The following UBALD2 variants were observed in gnomAD, a reference collection of about 807,000 sequenced individuals.
The protein encoded by UBALD2 is UBA-like domain-containing protein 2.
UBALD2 carries 8 observed loss-of-function variants against 15.9 expected under a neutral mutation model. The observed-to-expected ratio is 0.50, with a 90% CI of 0.29 to 0.91. UBALD2 has a LOEUF of 0.91. Ranked by LOEUF, UBALD2 falls within the 40% of genes least tolerant of loss-of-function variation. The pLI is 0.07. For missense variants in UBALD2, 178 were observed against 234.8 expected (o/e 0.76, Z 1.58); for synonymous variants, 113 against 97.7 (o/e 1.16, Z -0.93).
At chr17:76,268,405 G>A (rs532207591) in intron 2 of UBALD2, among the ~76,000 whole-genome samples, 5 of 152,182 alleles carry the variant, frequency 3.3e-5, no homozygotes, top group East Asian at 1.9e-4. Context: ...TGGGGAAGTC[G>A]GTCACGATGC....
chr17:76,265,628 G>A lies in UBALD2; in HGVS notation c.120+3G>A, dbSNP rs746575564. The A allele has an allele frequency of 1.6e-6, 2 of 1,219,840 alleles. No individual in the cohort carries two copies. The highest frequency in any genetic ancestry group is 6.7e-5 in the Admixed American group (2 of 29,702). The allele number at this position is 1,219,840 out of a possible 1,614,324, so 75.6% of individuals were successfully genotyped here. ...AGGCGGCCCACTGGCAGTTCGAGGT[G>A]CGAGCCTGGCCGCCGCGGGGCCGGG... On this transcript the variant is annotated splice_donor_region_variant and intron_variant, in intron 1 of 2. Transcript: ENST00000327490.
In UBALD2 at chr17:76,265,488, C is replaced by CCCGCG. The variant is rs748912041; in HGVS notation, c.-5_-1dup. ...CTGCGTCCGGCCGGAGACGCCGGGC[C>CCCGCG]CCGCGCCGCGCCGCGCCATGTCGGT... is the stretch of plus-strand genomic sequence containing the variant. On this transcript the variant is annotated 5_prime_UTR_variant, in exon 1 of 3. Coordinates refer to ENST00000327490, the MANE Select transcript of UBALD2 (RefSeq NM_182565.4). 5.3e-5 allele frequency: 61 copies of CCCGCG among 1,158,184 alleles called. No individual in the cohort carries two copies. Among genetic ancestry groups the CCCGCG allele is most frequent in the Middle Eastern group, 3.8e-4 (1 of 2,656 alleles). The allele number at this position is 1,158,184 out of a possible 1,614,324, so 71.7% of individuals were successfully genotyped here.
intron 2 of UBALD2, among the ~76,000 whole-genome samples, chr17:76,267,651 G>GC (rs1468230286): frequency 6.6e-6 from 1 of 150,992 alleles, no homozygotes; most frequent in Admixed American, 6.6e-5. Flanking sequence ...ACTGCACCCA[G>GC]CTGGCAATTT....
Position 76,265,656 on chromosome 17 carries a change from G to C in UBALD2, c.120+31G>C, listed in dbSNP as rs1166381149. 7.0e-6 allele frequency: 8 copies of C among 1,142,798 alleles called. 1 individual carries two copies. In the African/African-American group the frequency reaches 1.2e-4, roughly 17 times the overall value. The allele number at this position is 1,142,798 out of a possible 1,614,324, so 70.8% of individuals were successfully genotyped here. On this transcript the variant is annotated intron_variant, in intron 1 of 2. Coordinates refer to ENST00000327490, the MANE Select transcript of UBALD2 (RefSeq NM_182565.4). ...AGCCTGGCCGCCGCGGGGCCGGGCC[G>C]CGGGGGTCGGGGACGCCGGGCGGCG...
Position 76,270,408 on chromosome 17 carries a change from T to G in UBALD2, c.398T>G (p.Phe133Cys). The G allele has an allele frequency of 7.5e-7, 1 of 1,332,334 alleles. No individual in the cohort carries two copies. Among genetic ancestry groups the G allele is most frequent in the Non-Finnish European group, 1.0e-6 (1 of 981,288 alleles). 82.5% of individuals were successfully genotyped at this position (1,332,334 alleles called of 1,614,324 possible). A position where few individuals can be genotyped will look rare whatever the true frequency, so the allele number is the denominator to read the frequency against. The change falls in exon 3 of 3, where the codon TTC becomes TGC. Residue 133 changes from phenylalanine to cysteine, a missense_variant. Phe to Cys is a radical substitution (Grantham distance 205, BLOSUM62 -2). Transcript: ENST00000327490. ...PWIPPSSPTT[F>C]HHLHRPQPTW... Reference sequence around the variant, plus strand: ...ATCCCGCCCTCCTCCCCCACCACCTTCCACCACCTCCACCGCCCACAGCCC... The same window carrying G: ...ATCCCGCCCTCCTCCCCCACCACCTGCCACCACCTCCACCGCCCACAGCCC...
intron 1 of UBALD2, 102 bp from the exon 2 acceptor site, chr17:76,265,805 C>G: frequency 6.8e-7 from 1 of 1,478,822 alleles, no homozygotes; most frequent in Non-Finnish European, 9.1e-7. Flanking sequence ...GGGTCGGGGG[C>G]CGCGGGCCGG....
At position 76,270,192 on chromosome 17, in the gene UBALD2, A is replaced by G. The variant is rs1598468641; in HGVS notation, c.184-2A>G. On this transcript the variant is annotated splice_acceptor_variant, in intron 2 of 2. Coordinates refer to ENST00000327490, the MANE Select transcript of UBALD2 (RefSeq NM_182565.4). LOFTEE classifies it high-confidence loss of function. Reference sequence around the variant, plus strand: ...TCCCCACACCCGTGTTCTCTCCCGCAGATGTGCACTCCCAGCAACACCCCT... The same window carrying G: ...TCCCCACACCCGTGTTCTCTCCCGCGGATGTGCACTCCCAGCAACACCCCT... 1 of 1,611,524 alleles carries G rather than the reference A, an allele frequency of 6.2e-7. No homozygotes were observed. Among genetic ancestry groups the G allele is most frequent in the Non-Finnish European group, 8.5e-7 (1 of 1,179,732 alleles).
In UBALD2 at chr17:76,270,960, G is replaced by A. The variant is rs1201309195; in HGVS notation, c.*455G>A. On this transcript the variant is annotated 3_prime_UTR_variant, in exon 3 of 3. Coordinates refer to ENST00000327490, the MANE Select transcript of UBALD2 (RefSeq NM_182565.4). The stretch of plus-strand genomic sequence containing the variant: ...GCCACATAGCAGCTGCAGGTCCCAG[G>A]AGGGCCTGAGGTCAAAGCTGTGGAA... 1 of 152,730 alleles carries A rather than the reference G, an allele frequency of 6.5e-6. No individual in the cohort carries two copies. The highest frequency in any genetic ancestry group is 6.5e-5 in the Admixed American group (1 of 15,298). The allele number at this position is 152,730 out of a possible 1,614,324, so 9.5% of individuals were successfully genotyped here.
At chr17:76,266,939 G>A (rs1301295526) in intron 2 of UBALD2, among the ~76,000 whole-genome samples, 2 of 152,174 alleles carry the variant, frequency 1.3e-5, no homozygotes, top group Non-Finnish European at 2.9e-5. Flanking sequence ...AGTCACAGAG[G>A]ACAAGTAGAG....
chr17:76,270,549 AG>A lies in UBALD2; in HGVS notation c.*47del. The stretch of plus-strand genomic sequence containing the variant: ...GCTGGGCTGGAGCTGGGGGCAGCCC[AG>A]GGTTGTGGGGACACAGGAGGGCCAG... On this transcript the variant is annotated 3_prime_UTR_variant, in exon 3 of 3. Coordinates refer to ENST00000327490, the MANE Select transcript of UBALD2 (RefSeq NM_182565.4). 7.1e-7 allele frequency: 1 copy of A among 1,398,736 alleles called. No individual in the cohort carries two copies. The highest frequency in any genetic ancestry group is 1.5e-5 in the South Asian group (1 of 64,698). The allele number at this position is 1,398,736 out of a possible 1,614,324, so 86.6% of individuals were successfully genotyped here.
At position 76,265,979 on chromosome 17, in the gene UBALD2, GGCGGGCAGGGGC is replaced by G. The variant is rs758939583; in HGVS notation, c.183+17_183+28del. 26 of 1,564,668 alleles carry G rather than the reference GGCGGGCAGGGGC, an allele frequency of 1.7e-5. No individual in the cohort carries two copies. The highest frequency in any genetic ancestry group is 2.1e-5 in the Non-Finnish European group (24 of 1,156,166). ...CCACCACCACCAGATGGTAAGCGGC[GGCGGGCAGGGGC>G]GCGGGCCGGGGCCGCTGTCAGCGCG... On this transcript the variant is annotated intron_variant, in intron 2 of 2. Transcript: ENST00000327490.
At chr17:76,268,614 G>A (rs1018801041) in intron 2 of UBALD2, among the ~76,000 whole-genome samples, 1 of 152,074 alleles carries the variant, frequency 6.6e-6, no homozygotes, top group Admixed American at 6.5e-5. Context: ...CTCCCTTGGT[G>A]CCCTGGGTGC....
In UBALD2 at chr17:76,265,573, G is replaced by A. The variant is rs1479017941; in HGVS notation, c.68G>A (p.Cys23Tyr). 7.5e-7 allele frequency: 1 copy of A among 1,339,608 alleles called. No homozygotes were observed. Among genetic ancestry groups the A allele is most frequent in the Non-Finnish European group, 9.8e-7 (1 of 1,021,778 alleles). The allele number at this position is 1,339,608 out of a possible 1,614,324, so 83.0% of individuals were successfully genotyped here. The change falls in exon 1 of 3, where the codon TGC (cysteine) becomes TAC (tyrosine). Residue 23 changes from cysteine to tyrosine, a missense_variant. Transcript: ENST00000327490. The stretch of plus-strand genomic sequence containing the variant: ...AACCAGTTCGTGCTGGCCGCGGGCT[G>A]CGCGGCCGACCAGGCGAAGCAGTTG... ...MINQFVLAAG[C>Y]AADQAKQLLQ...
rs1429891593 is a variant in UBALD2 at position 76,270,374 on chromosome 17, G to A, written c.364G>A (p.Ala122Thr). Residue 122 changes from alanine (A) to threonine (T), a missense_variant, in exon 3 of 3, where the codon GCG (alanine) becomes ACG (threonine). By Grantham distance (58) the Ala-to-Thr change is moderately conservative. Transcript: ENST00000327490. ...FWASSPPSHQ[A>T]PWIPPSSPTT... ...GGCCTCGTCCCCGCCCAGCCACCAGGCGCCCTGGATCCCGCCCTCCTCCCC... is the reference window on the plus strand; with the variant it reads ...GGCCTCGTCCCCGCCCAGCCACCAGACGCCCTGGATCCCGCCCTCCTCCCC... 6.5e-7 allele frequency: 1 copy of A among 1,547,534 alleles called. No homozygotes were observed. The highest frequency in any genetic ancestry group is 2.4e-5 in the East Asian group (1 of 41,508).
intron 2 of UBALD2, 95 bp from the exon 3 acceptor site, chr17:76,270,099 A>G (rs963312062): frequency 1.5e-6 from 2 of 1,304,026 alleles, no homozygotes; most frequent in Non-Finnish European, 2.1e-6. Flanking sequence ...GAAGCTGAAA[A>G]ATGGGAGTAA....
At chr17:76,265,869 C>T in intron 1 of UBALD2, 38 bp from the exon 2 acceptor site, 1 of 1,583,076 alleles carries the variant, frequency 6.3e-7, no homozygotes, top group Non-Finnish European at 8.6e-7. Flanking sequence ...TTCCTGACTC[C>T]GCCTGGCCCG....
chr17:76,266,563 A>G (rs2070547514), intron 2 of UBALD2, among the ~76,000 whole-genome samples: 1 of 152,224 alleles, frequency 6.6e-6, no homozygotes, highest in South Asian at 2.1e-4. Context: ...CCCCCAAGCC[A>G]GGAGGACACA....
Position 76,265,874 on chromosome 17 carries a change from G to A in UBALD2, c.121-33G>A, listed in dbSNP as rs545617814. 4 of 1,588,848 alleles carry A rather than the reference G, an allele frequency of 2.5e-6. No homozygotes were observed. In the South Asian group the frequency reaches 4.5e-5, roughly 18 times the overall value. ...GCCGCTGCGTTTCCTGACTCCGCCT[G>A]GCCCGCCGTGTCACTGCCCTGTTTG... On this transcript the variant is annotated intron_variant, in intron 1 of 2. Transcript: ENST00000327490.
chr17:76,267,901 C>G (rs572708765), intron 2 of UBALD2, among the ~76,000 whole-genome samples: 15 of 152,112 alleles, frequency 9.9e-5, no homozygotes, highest in Non-Finnish European at 5.9e-5. Flanking sequence ...TCAGGTGGTC[C>G]GCCTGCCTCG....
Sources: allele counts gnomAD v4.1 joint callset (sites outside exome capture counted in the v4.1 genomes callset), GRCh38; gene constraint gnomAD v4.1.1; transcripts MANE v1.5; gene names NCBI Gene and HGNC (gene_info 2026-07-23, HGNC 2026-07-21).